Variants in PTK7 observed in about 807,000 individuals in gnomAD.
PTK7 encodes protein tyrosine kinase 7 (inactive).
In PTK7, 39 loss-of-function variants were observed where a neutral mutation model predicts 116.6. The observed-to-expected ratio is 0.33, with a 90% CI of 0.26 to 0.44. PTK7 has a LOEUF of 0.44. Among genes scored for constraint, PTK7 ranks in the 20% least tolerant of loss-of-function variants. The pLI is 1.00. For missense variants in PTK7, 1,169 were observed against 1,425.6 expected (o/e 0.82, Z 2.90); for synonymous variants, 546 against 563.6 (o/e 0.97, Z 0.44).
intron 1 of PTK7, among the ~76,000 whole-genome samples, chr6:43,116,973 G>A (rs963316919): frequency 4.6e-5 from 7 of 151,930 alleles, no homozygotes; most frequent in Admixed American, 1.3e-4. Flanking sequence ...ATAGGTGCCC[G>A]ACAGTACACC....
intron 1 of PTK7, among the ~76,000 whole-genome samples, chr6:43,094,428 G>A (rs959833760): frequency 2.0e-5 from 3 of 151,888 alleles, no homozygotes; most frequent in African/African-American, 7.3e-5. Context: ...TAGGTGAAGA[G>A]ACAAAGTTGT....
intron 17 of PTK7, among the ~76,000 whole-genome samples, chr6:43,153,029 G>T (rs996871484): frequency 2.6e-5 from 4 of 151,746 alleles, no homozygotes; most frequent in Non-Finnish European, 4.4e-5. Context: ...CAAGTGATCC[G>T]CCTGCCTCGG....
At chr6:43,131,452 A>G (rs139940466) in intron 5 of PTK7, among the ~76,000 whole-genome samples, 10 of 152,320 alleles carry the variant, frequency 6.6e-5, no homozygotes, top group Non-Finnish European at 8.8e-5. Context: ...AAAGAGGTTT[A>G]ATTGGACTTA....
At chr6:43,154,831 A>G (rs552206385) in intron 17 of PTK7, among the ~76,000 whole-genome samples, 3 of 152,380 alleles carry the variant, frequency 2.0e-5, no homozygotes, top group Non-Finnish European at 2.9e-5. Context: ...AGTAGCCAGC[A>G]GCCCAACCTC....
At chr6:43,101,563 TAAAA>T (rs756022604) in intron 1 of PTK7, among the ~76,000 whole-genome samples, 1 of 133,594 alleles carries the variant, frequency 7.5e-6, no homozygotes, top group Non-Finnish European at 1.6e-5. Flanking sequence ...AAAAAAAAAA[TAAAA>T]AAAAAAAGAA....
chr6:43,157,364 A>ATATATATATATATTTTTTTTT (rs70990168), intron 17 of PTK7, among the ~76,000 whole-genome samples: 3 of 54,364 alleles, frequency 5.5e-5, no homozygotes, highest in Non-Finnish European at 9.8e-5. Context: ...ATATATATAT[A>ATATATATATATATTTTTTTTT]TTTTTTTTTT....
chr6:43,091,447 G>A (rs1302416237), intron 1 of PTK7, among the ~76,000 whole-genome samples: 1 of 152,152 alleles, frequency 6.6e-6, no homozygotes, highest in Non-Finnish European at 1.5e-5. Context: ...GATTACAGGC[G>A]TGAGCCACTG....
At chr6:43,091,120 T>G (rs1256915916) in intron 1 of PTK7, among the ~76,000 whole-genome samples, 2 of 152,014 alleles carry the variant, frequency 1.3e-5, no homozygotes. Context: ...TGAGAGACCT[T>G]AGTTTACTTC....
chr6:43,086,150 G>A (rs537690529), intron 1 of PTK7, among the ~76,000 whole-genome samples: 1 of 152,172 alleles, frequency 6.6e-6, no homozygotes, highest in East Asian at 1.9e-4. Context: ...GCATGCTGAG[G>A]TTCTCAGGGA....
At chr6:43,153,689 G>T (rs1771259458) in intron 17 of PTK7, among the ~76,000 whole-genome samples, 1 of 152,130 alleles carries the variant, frequency 6.6e-6, no homozygotes, top group Admixed American at 6.5e-5. Context: ...GGAATTACAG[G>T]CCAGCAATAG....
intron 1 of PTK7, among the ~76,000 whole-genome samples, chr6:43,121,408 CTGATAT>C (rs1366396543): frequency 6.6e-6 from 1 of 152,224 alleles, no homozygotes; most frequent in Non-Finnish European, 1.5e-5. Context: ...TCTCCAGATA[CTGATAT>C]TAAGTCCCAG....
At chr6:43,126,909 GAGCTGCTTCC>G (rs1769324718) in intron 1 of PTK7, among the ~76,000 whole-genome samples, 1 of 152,188 alleles carries the variant, frequency 6.6e-6, no homozygotes, top group South Asian at 2.1e-4. Context: ...GGGCTGCTTG[GAGCTGCTTCC>G]AGCTCCATGA....
At chr6:43,080,803 G>A (rs1296037378) in intron 1 of PTK7, among the ~76,000 whole-genome samples, 2 of 152,172 alleles carry the variant, frequency 1.3e-5, no homozygotes, top group East Asian at 1.9e-4. Context: ...TTAGCTGGGT[G>A]TGGTGGCACA....
intron 1 of PTK7, among the ~76,000 whole-genome samples, chr6:43,090,951 T>A (rs2036034577): frequency 6.6e-6 from 1 of 152,080 alleles, no homozygotes; most frequent in African/African-American, 2.4e-5. Context: ...AAGACCCTGA[T>A]TTTAGGGATC....
intron 1 of PTK7, among the ~76,000 whole-genome samples, chr6:43,081,628 C>T (rs886204918): frequency 2.0e-5 from 3 of 152,182 alleles, no homozygotes; most frequent in African/African-American, 7.2e-5. Context: ...TGGTCTCGAA[C>T]TCCTGACCTC....
Position 43,145,323 on chromosome 6 carries a change from G to A in PTK7, c.2531G>A (p.Arg844Gln), listed in dbSNP as rs564810781. 283 of 1,614,008 alleles carry A rather than the reference G, an allele frequency of 1.8e-4. 4 individuals carry two copies. In the South Asian group the frequency reaches 2.7e-3, roughly 16 times the overall value. The change falls in exon 16 of 20, where the codon CGG becomes CAG. Residue 844 changes from arginine (R) to glutamine (Q), a missense_variant. Physicochemically the swap from Arg to Gln is conservative, Grantham distance 43. Around this residue, in one of 3 missense-constraint regions of PTK7, gnomAD observed 678 missense variants for 853.8 expected, o/e 0.79. Transcript: ENST00000230419. This position sits in a 1 kb window ranked among gnomAD's most constrained non-coding sequence, Gnocchi z 4.8. Reference sequence around the variant, plus strand: ...GATGAGCAGCAGCAGCTGGACTTCCGGAGGGAGTTGGAGATGTTTGGGAAG... The same window carrying A: ...GATGAGCAGCAGCAGCTGGACTTCCAGAGGGAGTTGGAGATGTTTGGGAAG... The part of the protein sequence containing the change: ...SKDEQQQLDF[R>Q]RELEMFGKLN...
chr6:43,086,608 G>GTGCC (rs1215606558), intron 1 of PTK7, among the ~76,000 whole-genome samples: 1 of 152,188 alleles, frequency 6.6e-6, no homozygotes, highest in Non-Finnish European at 1.5e-5. Flanking sequence ...GCAGAGGCAA[G>GTGCC]TGGATCACTT....
At chr6:43,125,252 G>A (rs1026243406) in intron 1 of PTK7, among the ~76,000 whole-genome samples, 1 of 152,230 alleles carries the variant, frequency 6.6e-6, no homozygotes, top group African/African-American at 2.4e-5. Context: ...GTGAGCTGAC[G>A]TCAGGACAGA....
chr6:43,076,981 G>T lies in PTK7; in HGVS notation c.79+414G>T. The T allele has an allele frequency of 5.4e-6, 8 of 1,494,704 alleles. No homozygotes were observed. The highest frequency in any genetic ancestry group is 7.1e-6 in the Non-Finnish European group (8 of 1,119,836). 92.6% of individuals were successfully genotyped at this position (1,494,704 alleles called of 1,614,324 possible). On this transcript the variant is annotated intron_variant, in intron 1 of 19. Coordinates refer to ENST00000230419, the MANE Select transcript of PTK7 (RefSeq NM_002821.5). The surrounding 1 kb of genome is among the most constrained non-coding windows in gnomAD (Gnocchi z 5.7). ...TTCCCCACCCCACCCGGCAGGGTCG[G>T]CCCAGGTAAGAGTTGCTGGTTTGGG...
Sources: gnomAD v4.1 joint callset for allele counts (sites outside exome capture counted in the v4.1 genomes callset) on GRCh38, gnomAD v4.1.1 for gene constraint, gnomAD v4.1.1 regional missense constraint, Gnocchi (gnomAD v3.1) non-coding constraint, MANE v1.5 for transcripts, NCBI Gene and HGNC (gene_info 2026-07-23, HGNC 2026-07-21) for gene names.